The following IL1R1 variants were observed in gnomAD, a reference collection of about 807,000 sequenced individuals.
IL1R1 encodes interleukin-1 receptor type 1.
A neutral mutation model predicts 50.2 loss-of-function variants in IL1R1; 22 were observed. The ratio of observed to expected loss-of-function variants is 0.44; its 90% CI spans 0.31 to 0.63. The LOEUF is 0.63. Ranked by LOEUF, IL1R1 falls within the 20% of genes least tolerant of loss-of-function variation. The pLI is 0.07. For synonymous variants in IL1R1, 251 were observed against 236.7 expected (o/e 1.06, Z -0.55); for missense variants, 509 against 676.2 (o/e 0.75, Z 2.74).
chr2:102,107,577 C>T (rs113781057), intron 1 of IL1R1, among the ~76,000 whole-genome samples: 4,164 of 152,046 alleles, frequency 0.027, 202 homozygotes, highest in African/African-American at 0.093. Context: ...ACCAACATGG[C>T]ACATGTATAC....
chr2:102,105,591 C>T (rs11123909), intron 1 of IL1R1, among the ~76,000 whole-genome samples: 90,400 of 151,926 alleles, frequency 0.6, 27,348 homozygotes, highest in African/African-American at 0.66. Flanking sequence ...GTCTCGATCT[C>T]CTGACCTCGT....
chr2:102,170,835 C>G (rs2104611058), intron 7 of IL1R1, among the ~76,000 whole-genome samples: 1 of 152,284 alleles, frequency 6.6e-6, no homozygotes, highest in East Asian at 1.9e-4. Context: ...CCAAGGTGGA[C>G]AGATCACTTG....
chr2:102,109,886 T>C (rs1221865117), intron 1 of IL1R1, among the ~76,000 whole-genome samples: 1 of 152,216 alleles, frequency 6.6e-6, no homozygotes, highest in Non-Finnish European at 1.5e-5. Flanking sequence ...TCGTTTCTCC[T>C]GGGCGACTTA....
At chr2:102,165,967 A>G in intron 5 of IL1R1, 146 bp from the exon 6 acceptor site, 1 of 628,800 alleles carries the variant, frequency 1.6e-6, no homozygotes, top group Non-Finnish European at 2.7e-6. Context: ...AGCCAGTATT[A>G]AAACTTACTA....
intron 1 of IL1R1, among the ~76,000 whole-genome samples, chr2:102,152,610 C>T (rs1683785138): frequency 6.6e-6 from 1 of 151,622 alleles, no homozygotes; most frequent in Non-Finnish European, 1.5e-5. Flanking sequence ...CATCCCTCCC[C>T]TCCCCCTCCC....
intron 3 of IL1R1, among the ~76,000 whole-genome samples, chr2:102,159,131 T>C (rs1684472201): frequency 1.3e-5 from 2 of 152,196 alleles, no homozygotes; most frequent in Non-Finnish European, 2.9e-5. Context: ...AGTTTAGCTG[T>C]CCATTAGATG....
rs1685419064 is a variant in IL1R1, at chr2:102,168,745, A to G, written c.721+82A>G. The G allele has an allele frequency of 1.6e-5, 15 of 957,504 alleles. No individual in the cohort carries two copies. In the South Asian group the frequency reaches 2.0e-4, roughly 13 times the overall value. The allele number at this position is 957,504 out of a possible 1,614,324, so 59.3% of individuals were successfully genotyped here. A position where few individuals can be genotyped will look rare whatever the true frequency, so the allele number is the denominator to read the frequency against. On this transcript the variant is annotated intron_variant, in intron 7 of 11. Coordinates refer to ENST00000410023, the MANE Select transcript of IL1R1 (RefSeq NM_000877.4). The stretch of plus-strand genomic sequence containing the variant: ...GAGTAAGATAAATTGTATCTTTACT[A>G]TATATAATCTAAGCCATTTACTGTA...
chr2:102,140,299 T>G (rs1682571797), upstream of IL1R1, among the ~76,000 whole-genome samples: 1 of 152,194 alleles, frequency 6.6e-6, no homozygotes, highest in Non-Finnish European at 1.5e-5. Context: ...TTGGATTATG[T>G]TGTGTTGGTC....
At chr2:102,168,813 A>T (rs1441939639) in intron 7 of IL1R1, 150 bp downstream of exon 7, 4 of 598,588 alleles carry the variant, frequency 6.7e-6, no homozygotes, top group African/African-American at 1.9e-5. Context: ...TTATATCTTA[A>T]TTTTTTGTAT....
At chr2:102,175,169 A>G (rs568531285) in intron 10 of IL1R1, among the ~76,000 whole-genome samples, 33 of 152,208 alleles carry the variant, frequency 2.2e-4, no homozygotes, top group Non-Finnish European at 1.0e-4. Context: ...ATGAATGGAT[A>G]GAATTCAGGG....
intron 1 of IL1R1, among the ~76,000 whole-genome samples, chr2:102,134,509 G>T (rs1336237573): frequency 4.6e-5 from 7 of 152,028 alleles, no homozygotes; most frequent in Non-Finnish European, 8.8e-5. Flanking sequence ...CTTCCGAGTA[G>T]CTGGGATTAC....
intron 1 of IL1R1, among the ~76,000 whole-genome samples, chr2:102,095,944 A>C (rs1446290870): frequency 6.6e-6 from 1 of 152,136 alleles, no homozygotes; most frequent in Admixed American, 6.5e-5. Flanking sequence ...CGGAGCTTGC[A>C]GTGAGCCGAG....
At chr2:102,130,945 C>T (rs1387007038) in intron 1 of IL1R1, among the ~76,000 whole-genome samples, 2 of 152,172 alleles carry the variant, frequency 1.3e-5, no homozygotes, top group Non-Finnish European at 2.9e-5. Flanking sequence ...AAACAAAGCC[C>T]TGTGACTTCT....
intron 1 of IL1R1, among the ~76,000 whole-genome samples, chr2:102,128,621 C>T (rs1392779336): frequency 6.6e-6 from 1 of 152,188 alleles, no homozygotes; most frequent in African/African-American, 2.4e-5. Flanking sequence ...TATTGTAGAG[C>T]TGGGATACAT....
chr2:102,082,886 T>C (rs1455246797), intron 1 of IL1R1, among the ~76,000 whole-genome samples: 1 of 152,190 alleles, frequency 6.6e-6, no homozygotes, highest in African/African-American at 2.4e-5. Flanking sequence ...TCACTAAGCA[T>C]GTTAGGAAAC....
chr2:102,129,657 G>A (rs1436044510), intron 1 of IL1R1, among the ~76,000 whole-genome samples: 5 of 152,222 alleles, frequency 3.3e-5, no homozygotes, highest in African/African-American at 1.2e-4. Flanking sequence ...GGGGTCAGGG[G>A]TGAAGCAGCT....
chr2:102,166,184 G>C lies in IL1R1; in HGVS notation c.558G>C (p.Val186=), dbSNP rs1159176240. ...AAGATAGGCTCATCGTGATGAATGTGGCTGAAAAGCATAGAGGGAACTATA... is the reference window on the plus strand; with the variant it reads ...AAGATAGGCTCATCGTGATGAATGTCGCTGAAAAGCATAGAGGGAACTATA... ...GVKDRLIVMN[V]AEKHRGNYTC... Residue 186 remains valine (V), a synonymous_variant, in exon 6 of 12, where the codon GTG becomes GTC. Transcript: ENST00000410023. The C allele has an allele frequency of 1.2e-6, 2 of 1,613,704 alleles. No individual in the cohort carries two copies. Among genetic ancestry groups the C allele is most frequent in the Non-Finnish European group, 1.7e-6 (2 of 1,179,744 alleles).
At chr2:102,170,297 C>T (rs1685561741) in intron 7 of IL1R1, among the ~76,000 whole-genome samples, 1 of 152,104 alleles carries the variant, frequency 6.6e-6, no homozygotes, top group African/African-American at 2.4e-5. Context: ...AGCCAATAGT[C>T]ACTAATATTC....
intron 3 of IL1R1, among the ~76,000 whole-genome samples, chr2:102,159,458 C>A (rs917980778): frequency 6.6e-6 from 1 of 151,046 alleles, no homozygotes; most frequent in Non-Finnish European, 1.5e-5. Flanking sequence ...GAAATGAGAG[C>A]CTGGTGCCTT....
Sources: allele counts gnomAD v4.1 joint callset (sites outside exome capture counted in the v4.1 genomes callset), GRCh38; gene constraint gnomAD v4.1.1; transcripts MANE v1.5; gene names NCBI Gene and HGNC (gene_info 2026-07-23, HGNC 2026-07-21).